Variants in SERGEF observed in about 807,000 individuals in gnomAD.
The protein encoded by SERGEF is secretion regulating guanine nucleotide exchange factor, also known as secretion-regulating guanine nucleotide exchange factor.
SERGEF carries 51 observed loss-of-function variants against 50.0 expected under a neutral mutation model. That is an observed-to-expected ratio of 1.02 (90% CI 0.81 to 1.29). The LOEUF (loss-of-function observed/expected upper bound fraction) is 1.29, where lower values mean the gene tolerates loss of function less well. Ranked by LOEUF, SERGEF falls within the 50% of genes most tolerant of loss-of-function variation. The pLI is 0.00. For synonymous variants in SERGEF, 205 were observed against 212.4 expected (o/e 0.97, Z 0.30); for missense variants, 521 against 557.0 (o/e 0.94, Z 0.65).
Position 17,834,589 on chromosome 11 carries a change from G to A in SERGEF, c.1048+43619C>T, listed in dbSNP as rs561692731. Among the ~76,000 whole-genome samples, 4 of 152,280 alleles carry A rather than the reference G, an allele frequency of 2.6e-5. No homozygotes were observed. In the South Asian group the frequency reaches 8.3e-4, roughly 32 times the overall value. On this transcript the variant is annotated intron_variant, in intron 10 of 10. Transcript: ENST00000265965. ...GCTTTACCCTGGAACATCTGAGGAGGAGGCCCTCTGTGATGATCTGATCCT... is the reference window on the plus strand; with the variant it reads ...GCTTTACCCTGGAACATCTGAGGAGAAGGCCCTCTGTGATGATCTGATCCT...
intron 8 of SERGEF, among the ~76,000 whole-genome samples, chr11:17,969,056 T>C (rs934910471): frequency 3.3e-5 from 5 of 152,202 alleles, no homozygotes; most frequent in African/African-American, 1.2e-4. Flanking sequence ...TAAACATAAA[T>C]GCACTTTGTA....
chr11:17,989,611 T>C (rs1590236433), intron 7 of SERGEF, among the ~76,000 whole-genome samples: 1 of 152,220 alleles, frequency 6.6e-6, no homozygotes, highest in African/African-American at 2.4e-5. Flanking sequence ...AATGAGGCCA[T>C]GGGCAATAAT....
chr11:17,943,051 A>ATATT (rs1852589859), intron 9 of SERGEF, among the ~76,000 whole-genome samples: 1 of 151,884 alleles, frequency 6.6e-6, no homozygotes, highest in Non-Finnish European at 1.5e-5. Flanking sequence ...ACTAATCAAT[A>ATATT]ATTTTCTTTT....
chr11:17,853,534 T>C (rs1474031491), intron 10 of SERGEF: 4 of 152,202 alleles, frequency 2.6e-5, no homozygotes, highest in African/African-American at 9.7e-5. Context: ...TGGTGCTATG[T>C]GCTTTCAGGT....
At position 17,888,272 on chromosome 11, in the gene SERGEF, T is replaced by C. The variant is rs775287911; in HGVS notation, c.1012-10028A>G. 6.6e-6 allele frequency among the ~76,000 whole-genome samples: 1 copy of C among 152,172 alleles called. No individual in the cohort carries two copies. Among genetic ancestry groups the C allele is most frequent in the Non-Finnish European group, 1.5e-5 (1 of 68,040 alleles). ...AAGTAAATCTTTAAGAATAATAATA[T>C]GAAACTCAAAAGTAGGCAAAACTGA... On this transcript the variant is annotated intron_variant, in intron 9 of 10. Transcript: ENST00000265965. This position sits in a 1 kb window ranked among gnomAD's most constrained non-coding sequence, Gnocchi z 4.1.
At chr11:17,804,806 C>T (rs1849728721) in intron 10 of SERGEF, among the ~76,000 whole-genome samples, 1 of 152,156 alleles carries the variant, frequency 6.6e-6, no homozygotes, top group Admixed American at 6.5e-5. Flanking sequence ...TCCTCAGAGG[C>T]CTCAATGGAC....
At chr11:17,963,130 C>T (rs1310840940) in intron 8 of SERGEF, among the ~76,000 whole-genome samples, 79 of 139,722 alleles carry the variant, frequency 5.7e-4, no homozygotes, top group Non-Finnish European at 1.0e-3. Flanking sequence ...TGCAGTGAGC[C>T]GAGATGGCAC....
chr11:17,997,118 G>A (rs989675887), intron 5 of SERGEF, among the ~76,000 whole-genome samples: 6 of 152,150 alleles, frequency 3.9e-5, no homozygotes, highest in Admixed American at 1.3e-4. Context: ...GATCACTTGC[G>A]CCTGGGTGGT....
chr11:17,994,929 CAGA>C (rs1853804598), intron 6 of SERGEF, among the ~76,000 whole-genome samples: 1 of 152,100 alleles, frequency 6.6e-6, no homozygotes. Context: ...TTCCAGGCAA[CAGA>C]AGAAGTAGTT....
At chr11:17,878,578 A>G (rs1851283620) in intron 9 of SERGEF, among the ~76,000 whole-genome samples, 1 of 152,230 alleles carries the variant, frequency 6.6e-6, no homozygotes, top group Non-Finnish European at 1.5e-5. Context: ...GTAAAAATGG[A>G]AAGATAAGGC....
chr11:18,011,066 C>T (rs565146627), intron 1 of SERGEF, among the ~76,000 whole-genome samples: 7 of 152,044 alleles, frequency 4.6e-5, no homozygotes, highest in African/African-American at 1.4e-4. Flanking sequence ...TTTAACACAA[C>T]CTATTACAAC....
intron 9 of SERGEF, among the ~76,000 whole-genome samples, chr11:17,883,030 C>T (rs1335603660): frequency 6.6e-6 from 1 of 152,172 alleles, no homozygotes; most frequent in African/African-American, 2.4e-5. Context: ...CTGTGGAAAG[C>T]TGCTCTGTCT....
chr11:17,988,065 C>A (rs1219088809), intron 8 of SERGEF, among the ~76,000 whole-genome samples: 1 of 152,046 alleles, frequency 6.6e-6, no homozygotes, highest in Non-Finnish European at 1.5e-5. Flanking sequence ...GATGAAGATG[C>A]CAAAAGCTGT....
At chr11:17,942,674 C>T (rs1019370735) in intron 9 of SERGEF, among the ~76,000 whole-genome samples, 2 of 152,144 alleles carry the variant, frequency 1.3e-5, no homozygotes, top group African/African-American at 4.8e-5. Flanking sequence ...AGAGGACATA[C>T]TTGCCTCATT....
intron 10 of SERGEF, among the ~76,000 whole-genome samples, chr11:17,813,653 T>C (rs1291706067): frequency 6.6e-6 from 1 of 152,202 alleles, no homozygotes; most frequent in Non-Finnish European, 1.5e-5. Flanking sequence ...TCTCAGTCAC[T>C]GCTAACTAAC....
chr11:17,971,895 A>G (rs1853255552), intron 8 of SERGEF, among the ~76,000 whole-genome samples: 1 of 152,248 alleles, frequency 6.6e-6, no homozygotes, highest in Non-Finnish European at 1.5e-5. Flanking sequence ...GGAAGAGGTC[A>G]AATAACATTA....
chr11:17,809,382 T>C (rs1184729821), intron 10 of SERGEF, among the ~76,000 whole-genome samples: 1 of 152,256 alleles, frequency 6.6e-6, no homozygotes, highest in Non-Finnish European at 1.5e-5. Context: ...TTTTGGACTT[T>C]ATTTCATAGC....
Position 18,000,542 on chromosome 11 carries a change from C to T in SERGEF, c.463G>A (p.Val155Ile), listed in dbSNP as rs1015794265. ...PQAIELHKEK[V>I]VCIAAGLRHA... ...CTCAGTCCAGCAGCAATACAAACAA[C>T]CTTCTCTTTATGGAGCTGTCAAAAT... Residue 155 changes from valine (V) to isoleucine (I), a missense_variant, in exon 5 of 11, where the codon GTT becomes ATT. Physicochemically the swap from Val to Ile is conservative, Grantham distance 29. Coordinates refer to ENST00000265965, the MANE Select transcript of SERGEF (RefSeq NM_012139.4). The T allele has an allele frequency of 1.3e-5, 20 of 1,587,446 alleles. No homozygotes were observed. The highest frequency in any genetic ancestry group is 1.7e-5 in the Non-Finnish European group (20 of 1,171,754).
intron 10 of SERGEF, among the ~76,000 whole-genome samples, chr11:17,830,649 G>GGAGGGAGAGAGAGAGA (rs60101312): frequency 1.3e-5 from 1 of 77,726 alleles, no homozygotes; most frequent in African/African-American, 5.8e-5. Context: ...GGAGAGGGAG[G>GGAGGGAGAGAGAGAGA]GAGAGAGAGA....
Sources: allele counts gnomAD v4.1 joint callset (sites outside exome capture counted in the v4.1 genomes callset), GRCh38; gene constraint gnomAD v4.1.1; non-coding constraint Gnocchi (gnomAD v3.1); transcripts MANE v1.5; gene names NCBI Gene and HGNC (gene_info 2026-07-23, HGNC 2026-07-21).